The following UAP1 variants were observed in gnomAD, a reference collection of about 807,000 sequenced individuals.
The protein encoded by UAP1 is UDP-N-acetylhexosamine pyrophosphorylase.
UAP1 carries 25 observed loss-of-function variants against 58.5 expected under a neutral mutation model. The observed-to-expected ratio is 0.43, with a 90% CI of 0.31 to 0.60. UAP1 has a LOEUF of 0.60. Ranked by LOEUF, UAP1 falls within the 20% of genes least tolerant of loss-of-function variation. The probability of loss-of-function intolerance (pLI) is 0.11; values close to 1 mark genes in which losing one functional copy is unlikely to be tolerated. For missense variants in UAP1, 575 were observed against 630.0 expected (o/e 0.91, Z 0.93); for synonymous variants, 208 against 213.0 (o/e 0.98, Z 0.21).
At chr1:162,586,445 A>G (rs2101808260) in intron 5 of UAP1, among the ~76,000 whole-genome samples, 1 of 152,198 alleles carries the variant, frequency 6.6e-6, no homozygotes, top group Admixed American at 6.5e-5. Context: ...CTCTTTCCTC[A>G]GTCTCCCTAG....
intron 7 of UAP1, among the ~76,000 whole-genome samples, chr1:162,589,978 T>A (rs149081322): frequency 0.011 from 1,596 of 151,404 alleles, 21 homozygotes; most frequent in African/African-American, 0.037. Flanking sequence ...CTCAAAAAAA[T>A]AAATAAATAA....
intron 10 of UAP1, among the ~76,000 whole-genome samples, chr1:162,598,222 A>G (rs993266056): frequency 1.4e-5 from 2 of 144,788 alleles, no homozygotes; most frequent in African/African-American, 4.9e-5. Flanking sequence ...AAAAATTACA[A>G]AAAAAGAAAT....
chr1:162,576,159 A>G (rs757116103), intron 2 of UAP1, among the ~76,000 whole-genome samples: 1 of 151,994 alleles, frequency 6.6e-6, no homozygotes, highest in Non-Finnish European at 1.5e-5. Flanking sequence ...ATACTTTACT[A>G]CTTTCCTAAC....
At chr1:162,598,327 G>A (rs1267503373) in intron 10 of UAP1, among the ~76,000 whole-genome samples, 3 of 152,188 alleles carry the variant, frequency 2.0e-5, no homozygotes, top group Non-Finnish European at 4.4e-5. Flanking sequence ...GTCCTGCCCT[G>A]AGGAGCTCTT....
intron 2 of UAP1, 109 bp downstream of exon 2, chr1:162,566,457 G>A: frequency 1.7e-6 from 2 of 1,161,964 alleles, no homozygotes; most frequent in Non-Finnish European, 2.4e-6. Context: ...CATTAAACCA[G>A]GTGACCTAGC....
chr1:162,564,335 G>C lies in UAP1; in HGVS notation c.-57-1677G>C, dbSNP rs939718948. ...TCATTTTACAGATAAGGTAACCGAG[G>C]CATGGGGAAATTAAGTGGCTCAGCT... On this transcript the variant is annotated intron_variant, in intron 1 of 10. Transcript: ENST00000271469. Among the ~76,000 whole-genome samples the C allele has an allele frequency of 2.6e-5, 4 of 152,130 alleles. No homozygotes were observed. In the East Asian group the frequency reaches 7.7e-4, roughly 29 times the overall value.
At position 162,595,295 on chromosome 1, in the gene UAP1, A is replaced by G. The variant is rs577142885; in HGVS notation, c.1410-2497A>G. On this transcript the variant is annotated intron_variant, in intron 9 of 10. Coordinates refer to ENST00000271469, the Ensembl canonical transcript of UAP1. ...GAAGTTACATATTCAGGCCAGCTGT[A>G]TATGTGTTTCTTGGGTTCACAACCA... Among the ~76,000 whole-genome samples the G allele has an allele frequency of 4.1e-4, 62 of 152,246 alleles. No individual in the cohort carries two copies. The South Asian group carries it at 6.4e-3, about 16-fold the overall frequency.
exon 1 of UAP1, chr1:162,561,542 C>A (rs182950062): frequency 2.6e-5 from 4 of 151,970 alleles, no homozygotes; most frequent in Non-Finnish European, 5.9e-5. Flanking sequence ...TCTGTGCTCC[C>A]GGCGCTGACG....
intron 8 of UAP1, among the ~76,000 whole-genome samples, chr1:162,590,720 A>T (rs1655250460): frequency 6.6e-6 from 1 of 151,826 alleles, no homozygotes; most frequent in African/African-American, 2.4e-5. Context: ...AGTCTTTCAG[A>T]TCTCTCTTTT....
downstream of UAP1, among the ~76,000 whole-genome samples, chr1:162,600,739 T>G (rs1327262705): frequency 2.6e-5 from 4 of 152,056 alleles, no homozygotes; most frequent in East Asian, 7.7e-4. Context: ...ATTTAGCATA[T>G]TTTCTATTTT....
At chr1:162,587,355 C>G in intron 5 of UAP1, 120 bp from the exon 6 acceptor site, 5 of 877,852 alleles carry the variant, frequency 5.7e-6, no homozygotes, top group Non-Finnish European at 8.7e-6. Flanking sequence ...GTTAAAGATT[C>G]TTCTTGGCTT....
chr1:162,581,217 T>A lies in UAP1; in HGVS notation c.662-70T>A. 5 of 1,491,374 alleles carry A rather than the reference T, an allele frequency of 3.4e-6. No individual in the cohort carries two copies. In the South Asian group the frequency reaches 7.0e-5, roughly 21 times the overall value. 92.4% of individuals were successfully genotyped at this position (1,491,374 alleles called of 1,614,324 possible). ...TTTTTTAGGGATCTTAACCCTAGTT[T>A]GGAAACAATCTTTGTGTTACCTTTA... is the stretch of plus-strand genomic sequence containing the variant. On this transcript the variant is annotated intron_variant, in intron 4 of 10. Coordinates refer to ENST00000271469, the Ensembl canonical transcript of UAP1.
intron 6 of UAP1, 132 bp from the exon 7 acceptor site, chr1:162,588,561 C>A: frequency 1.1e-6 from 1 of 872,560 alleles, no homozygotes; most frequent in Admixed American, 2.9e-5. Context: ...TAAATATGAA[C>A]TGAAACTTAA....
At chr1:162,590,031 GTT>G (rs34447708) in intron 7 of UAP1, among the ~76,000 whole-genome samples, 1 of 144,862 alleles carries the variant, frequency 6.9e-6, no homozygotes, top group African/African-American at 2.5e-5. Context: ...TTTTTTGCCT[GTT>G]TTTTTTTTTT....
chr1:162,580,492 A>G (rs938080312), intron 4 of UAP1, among the ~76,000 whole-genome samples: 1 of 152,186 alleles, frequency 6.6e-6, no homozygotes, highest in Non-Finnish European at 1.5e-5. Context: ...GTGTAGCCAC[A>G]TTCAGTGACC....
exon 8 of UAP1, chr1:162,590,388 A>C (rs1427532020): frequency 6.2e-7 from 1 of 1,613,792 alleles, no homozygotes; most frequent in South Asian, 1.1e-5. Flanking sequence ...GCTGATAGTC[A>C]GAATGGGAAA....
At chr1:162,587,605 T>C in exon 6 of UAP1, 2 of 1,614,174 alleles carry the variant, frequency 1.2e-6, no homozygotes, top group South Asian at 2.2e-5. Context: ...GGACGACTGC[T>C]GTTCAATGCG....
exon 2 of UAP1, chr1:162,566,065 C>T (rs1381757424): frequency 6.2e-7 from 1 of 1,609,926 alleles, no homozygotes; most frequent in African/African-American, 1.3e-5. Flanking sequence ...GCTATTAGAG[C>T]ATTATGAACA....
At chr1:162,563,142 A>T (rs1456845128) in intron 1 of UAP1, among the ~76,000 whole-genome samples, 1 of 152,194 alleles carries the variant, frequency 6.6e-6, no homozygotes, top group Non-Finnish European at 1.5e-5. Context: ...GCTGCTTACC[A>T]TTACACGTGC....
Sources: gnomAD v4.1 joint callset for allele counts (sites outside exome capture counted in the v4.1 genomes callset) on GRCh38, gnomAD v4.1.1 for gene constraint, MANE v1.5 for transcripts, NCBI Gene and HGNC (gene_info 2026-07-23, HGNC 2026-07-21) for gene names.